Variants in MAPK10 observed in about 807,000 individuals in gnomAD.
MAPK10 encodes the protein JNK3 alpha protein kinase.
MAPK10 carries 25 observed loss-of-function variants against 59.3 expected under a neutral mutation model. The observed-to-expected ratio is 0.42, with a 90% confidence interval of 0.31 to 0.59. The LOEUF is 0.59. MAPK10 is among the 20% of genes least tolerant of loss of function. The pLI, the probability that MAPK10 is intolerant of heterozygous loss-of-function variation, is 0.15. For synonymous variants in MAPK10, 190 were observed against 200.5 expected, an observed-to-expected ratio of 0.95 and a Z score of 0.44; for missense variants, 351 against 568.9, an observed-to-expected ratio of 0.62 and a Z score of 3.90.
intron 1 of MAPK10, among the ~76,000 whole-genome samples, chr4:86,376,802 C>T (rs1346013565): frequency 1.3e-5 from 2 of 152,152 alleles, no homozygotes; most frequent in Non-Finnish European, 2.9e-5. Context: ...TCTTTTGAAA[C>T]TAAAGAAAAC....
chr4:86,109,396 C>A (rs2057079534), intron 4 of MAPK10, among the ~76,000 whole-genome samples: 2 of 152,082 alleles, frequency 1.3e-5, no homozygotes, highest in Non-Finnish European at 2.9e-5. Context: ...TGCTTCCTGG[C>A]CCCAACGGGC....
chr4:86,271,607 T>G lies in MAPK10; in HGVS notation c.-6-77200A>C, dbSNP rs146871127. 5.8e-3 allele frequency among the ~76,000 whole-genome samples: 882 copies of G among 152,060 alleles called. 8 individuals carry two copies. Among genetic ancestry groups the G allele is most frequent in the African/African-American group, 0.02 (830 of 41,510 alleles). On this transcript the variant is annotated intron_variant, in intron 2 of 13. Transcript: ENST00000641462. ...TCACGCTGCTAATAAAGACATACCC[T>G]AAACTGGGTGATTTATTATGTAAGG...
At chr4:86,525,998 T>A (rs77705581) in intron 1 of MAPK10, among the ~76,000 whole-genome samples, 7,127 of 152,154 alleles carry the variant, frequency 0.047, 223 homozygotes, top group African/African-American at 0.059. Context: ...TTTTTGCATC[T>A]CTCTTCATTA....
chr4:86,473,442 GA>G (rs1199127149), intron 1 of MAPK10, among the ~76,000 whole-genome samples: 1 of 152,090 alleles, frequency 6.6e-6, no homozygotes, highest in Non-Finnish European at 1.5e-5. Context: ...TATTTAAAAA[GA>G]AAAAATTCTG....
intron 13 of MAPK10, chr4:86,020,548 T>TC (rs1451438094): frequency 5.8e-6 from 1 of 171,210 alleles, no homozygotes; most frequent in African/African-American, 2.4e-5. Context: ...CTCACTGACT[T>TC]CAAGATTGAA....
At chr4:86,044,279 C>T (rs1273418588) in intron 11 of MAPK10, among the ~76,000 whole-genome samples, 7 of 152,140 alleles carry the variant, frequency 4.6e-5, no homozygotes, top group Non-Finnish European at 8.8e-5. Context: ...GTTTATGGTT[C>T]AGCTACGGCT....
rs192861259 is a variant in MAPK10, at chr4:86,423,009, G to A, written c.-122+30021C>T. 2.0e-5 allele frequency among the ~76,000 whole-genome samples: 3 copies of A among 152,214 alleles called. No homozygotes were observed. In the East Asian group the frequency reaches 5.8e-4, roughly 29 times the overall value. On this transcript the variant is annotated intron_variant, in intron 1 of 13. Transcript: ENST00000361569. ...CTCATTAGCTTTATTATTTTCCACT[G>A]GCAGACATTAATTCTCTCCTTTCCT...
At chr4:86,478,164 T>A (rs1170420872) in intron 1 of MAPK10, among the ~76,000 whole-genome samples, 1 of 152,282 alleles carries the variant, frequency 6.6e-6, no homozygotes, top group East Asian at 1.9e-4. Flanking sequence ...GGTTTTGCCA[T>A]AACAAAACCA....
chr4:86,447,353 T>C (rs1005095732), intron 1 of MAPK10, among the ~76,000 whole-genome samples: 1 of 152,148 alleles, frequency 6.6e-6, no homozygotes, highest in African/African-American at 2.4e-5. Flanking sequence ...CTGAGGCCTC[T>C]GGAGCCATGG....
chr4:86,339,132 G>GTA (rs1319654854), intron 2 of MAPK10, among the ~76,000 whole-genome samples: 2 of 152,150 alleles, frequency 1.3e-5, no homozygotes, highest in African/African-American at 4.8e-5. Flanking sequence ...CAGGGCTGCA[G>GTA]TACAACAAGA....
chr4:86,289,929 G>A (rs1027495143), intron 2 of MAPK10, among the ~76,000 whole-genome samples: 1 of 152,104 alleles, frequency 6.6e-6, no homozygotes, highest in Non-Finnish European at 1.5e-5. Context: ...ATTTCCTGAG[G>A]TGGAGAAAAA....
Position 86,127,422 on chromosome 4 carries a change from A to G in MAPK10, c.237-20070T>C, listed in dbSNP as rs528051828. Among the ~76,000 whole-genome samples, 81 of 152,218 alleles carry G rather than the reference A, an allele frequency of 5.3e-4. 1 individual carries two copies. The highest frequency in any genetic ancestry group is 1.9e-3 in the African/African-American group (80 of 41,558). On this transcript the variant is annotated intron_variant, in intron 4 of 13. Transcript: ENST00000641462. The stretch of plus-strand genomic sequence containing the variant: ...ATATAGTCCTTAGATTTCTATGAAC[A>G]TGACTCAAATAGGCTTTAACTAGTT...
At chr4:86,435,987 C>CA (rs1207671371) in intron 1 of MAPK10, among the ~76,000 whole-genome samples, 4 of 151,978 alleles carry the variant, frequency 2.6e-5, no homozygotes, top group South Asian at 2.1e-4. Context: ...AACATTTGCC[C>CA]AAAAAAAGGT....
intron 1 of MAPK10, among the ~76,000 whole-genome samples, chr4:86,445,736 T>C (rs1183742409): frequency 6.6e-6 from 1 of 151,986 alleles, no homozygotes. Context: ...ATTTAAAGTA[T>C]GTATGTAGAA....
At chr4:86,248,157 T>C (rs1026610459) in intron 2 of MAPK10, among the ~76,000 whole-genome samples, 1 of 152,258 alleles carries the variant, frequency 6.6e-6, no homozygotes, top group African/African-American at 2.4e-5. Flanking sequence ...ATCCTGATTT[T>C]TGTGAAACCC....
chr4:86,462,091 C>T (rs1049184452), intron 1 of MAPK10, among the ~76,000 whole-genome samples: 10 of 151,284 alleles, frequency 6.6e-5, no homozygotes, highest in Admixed American at 2.0e-4. Context: ...CCCGCCACAG[C>T]GCCACAGCCA....
At chr4:86,337,940 T>A (rs1168787133) in intron 2 of MAPK10, among the ~76,000 whole-genome samples, 3 of 152,224 alleles carry the variant, frequency 2.0e-5, no homozygotes, top group Non-Finnish European at 4.4e-5. Context: ...TCCAATCCTA[T>A]CCATCTACTT....
intron 2 of MAPK10, among the ~76,000 whole-genome samples, chr4:86,328,429 G>A (rs1283873666): frequency 2.0e-5 from 3 of 152,174 alleles, no homozygotes; most frequent in Non-Finnish European, 4.4e-5. Flanking sequence ...CAACTATTGT[G>A]GAAGACACTG....
chr4:86,132,124 T>C (rs948033059), intron 4 of MAPK10, among the ~76,000 whole-genome samples: 7 of 152,186 alleles, frequency 4.6e-5, no homozygotes, highest in African/African-American at 1.7e-4. Context: ...TAATTCTTAG[T>C]TCATAAAGGT....
Sources: allele counts gnomAD v4.1 joint callset (sites outside exome capture counted in the v4.1 genomes callset), GRCh38; gene constraint gnomAD v4.1.1; transcripts MANE v1.5; gene names NCBI Gene and HGNC (gene_info 2026-07-23, HGNC 2026-07-21).